EXOC4: variants seen among roughly 807,000 people sequenced by gnomAD.
EXOC4 encodes the protein SEC8-like 1.
EXOC4 carries 71 observed loss-of-function variants against 107.2 expected under a neutral mutation model. The ratio of observed to expected loss-of-function variants is 0.66; its 90% CI spans 0.55 to 0.81. The LOEUF is 0.81. Ranked by LOEUF, EXOC4 falls within the 30% of genes least tolerant of loss-of-function variation. The pLI, the probability that EXOC4 is intolerant of heterozygous loss-of-function variation, is 0.00. For missense variants in EXOC4, 1,108 were observed against 1,189.6 expected (o/e 0.93, Z 1.01); for synonymous variants, 456 against 441.2 (o/e 1.03, Z -0.42).
chr7:133,610,033 A>C (rs1563126024), intron 9 of EXOC4, among the ~76,000 whole-genome samples: 1 of 152,218 alleles, frequency 6.6e-6, no homozygotes, highest in Non-Finnish European at 1.5e-5. Context: ...ATTGTTTCAT[A>C]ATCACCTGTT....
chr7:133,555,224 A>G (rs1800668920), intron 9 of EXOC4, among the ~76,000 whole-genome samples: 1 of 152,188 alleles, frequency 6.6e-6, no homozygotes, highest in African/African-American at 2.4e-5. Flanking sequence ...CTGAGCATGT[A>G]ATGGTTAAGA....
chr7:133,720,011 A>T (rs1348471875), intron 10 of EXOC4, among the ~76,000 whole-genome samples: 1 of 152,130 alleles, frequency 6.6e-6, no homozygotes, highest in Non-Finnish European at 1.5e-5. Flanking sequence ...TGATTGTCTA[A>T]TATGTTCTCA....
intron 9 of EXOC4, among the ~76,000 whole-genome samples, chr7:133,562,706 A>C (rs1800833049): frequency 6.6e-6 from 1 of 152,210 alleles, no homozygotes; most frequent in East Asian, 1.9e-4. Context: ...GAGTCATTGT[A>C]GTTTCTAACG....
chr7:133,532,923 G>C (rs1407366604), intron 9 of EXOC4, among the ~76,000 whole-genome samples: 2 of 152,004 alleles, frequency 1.3e-5, no homozygotes, highest in Non-Finnish European at 2.9e-5. Flanking sequence ...GATTTGCTTT[G>C]AATGTAGTTT....
chr7:133,627,389 G>A (rs1012326), intron 9 of EXOC4, among the ~76,000 whole-genome samples: 149,456 of 152,274 alleles, frequency 0.98, 73,418 homozygotes, highest in Middle Eastern at 1. Context: ...ACCTAATATC[G>A]TAGCACTTAA....
At chr7:133,537,301 C>CT (rs1381597799) in intron 9 of EXOC4, among the ~76,000 whole-genome samples, 1 of 148,772 alleles carries the variant, frequency 6.7e-6, no homozygotes, top group East Asian at 1.9e-4. Flanking sequence ...CAGGCACCCC[C>CT]CCCCCCACCA....
intron 10 of EXOC4, among the ~76,000 whole-genome samples, chr7:133,674,100 G>T (rs1794004557): frequency 6.6e-6 from 1 of 152,180 alleles, no homozygotes; most frequent in African/African-American, 2.4e-5. Context: ...AAAAAATGCA[G>T]AGCTGGAGCT....
At chr7:133,971,353 TATATATATAGAGAGAGAGAGAGAG>T (rs1563075899) in intron 14 of EXOC4, among the ~76,000 whole-genome samples, 4 of 102,328 alleles carry the variant, frequency 3.9e-5, no homozygotes, top group African/African-American at 1.7e-4. Context: ...TATATATATA[TATATATATAGAGAGAGAGAGAGAG>T]AGAGAGAGAG....
At chr7:133,373,855 T>C (rs1796429465) in intron 6 of EXOC4, among the ~76,000 whole-genome samples, 1 of 152,242 alleles carries the variant, frequency 6.6e-6, no homozygotes, top group Non-Finnish European at 1.5e-5. Flanking sequence ...AAGCAGTGCC[T>C]ACTCTGAAAG....
chr7:133,686,515 T>G (rs2151072964), intron 10 of EXOC4, among the ~76,000 whole-genome samples: 1 of 152,240 alleles, frequency 6.6e-6, no homozygotes, highest in African/African-American at 2.4e-5. Flanking sequence ...GGAATGGACT[T>G]TCAGGCCTCC....
intron 10 of EXOC4, among the ~76,000 whole-genome samples, chr7:133,721,266 A>T (rs1795099253): frequency 3.3e-5 from 5 of 152,192 alleles, no homozygotes; most frequent in Non-Finnish European, 5.9e-5. Context: ...ATAGGAACTT[A>T]TTATAAAGAA....
intron 17 of EXOC4, among the ~76,000 whole-genome samples, chr7:134,064,043 C>T (rs1796130191): frequency 6.6e-6 from 1 of 152,124 alleles, no homozygotes; most frequent in Non-Finnish European, 1.5e-5. Flanking sequence ...TGAGCTGAGC[C>T]ACAGAAAGGT....
chr7:134,044,627 CTG>C (rs1439761712), intron 17 of EXOC4, among the ~76,000 whole-genome samples: 7 of 89,538 alleles, frequency 7.8e-5, no homozygotes, highest in African/African-American at 2.7e-4. Flanking sequence ...AAGGTCCACT[CTG>C]TGAAAGAGCA....
At chr7:133,978,782 G>T (rs1382479691) in intron 14 of EXOC4, among the ~76,000 whole-genome samples, 1 of 152,166 alleles carries the variant, frequency 6.6e-6, no homozygotes, top group Non-Finnish European at 1.5e-5. Flanking sequence ...GCATCTTTCT[G>T]CCACTGTAAG....
chr7:133,526,006 G>C (rs1181081233), intron 9 of EXOC4, among the ~76,000 whole-genome samples: 19 of 152,136 alleles, frequency 1.2e-4, no homozygotes. Context: ...CAGAGAGAGA[G>C]ACTGCGATTT....
chr7:133,802,506 C>T (rs1382359905), intron 10 of EXOC4, among the ~76,000 whole-genome samples: 1 of 152,154 alleles, frequency 6.6e-6, no homozygotes, highest in African/African-American at 2.4e-5. Flanking sequence ...TGGAATCTTA[C>T]ATGAATAACT....
chr7:133,541,594 G>C (rs1179584297), intron 9 of EXOC4, among the ~76,000 whole-genome samples: 2 of 152,022 alleles, frequency 1.3e-5, no homozygotes, highest in Non-Finnish European at 2.9e-5. Context: ...CAACCTCCTG[G>C]GCACAAATGA....
At chr7:133,292,069 G>C (rs1396986716) in intron 3 of EXOC4, among the ~76,000 whole-genome samples, 3 of 152,176 alleles carry the variant, frequency 2.0e-5, no homozygotes, top group African/African-American at 7.2e-5. Flanking sequence ...TTGTGGCCAG[G>C]CATGGTGGCC....
intron 17 of EXOC4, among the ~76,000 whole-genome samples, chr7:134,057,684 A>C (rs4731996): frequency 0.65 from 99,081 of 152,010 alleles, 32,754 homozygotes; most frequent in East Asian, 0.77. Context: ...AGTGTTTTCA[A>C]GTCAATTGCT....
Sources: gnomAD v4.1 joint callset for allele counts (sites outside exome capture counted in the v4.1 genomes callset) on GRCh38, gnomAD v4.1.1 for gene constraint, MANE v1.5 for transcripts, NCBI Gene and HGNC (gene_info 2026-07-23, HGNC 2026-07-21) for gene names.